The following LRFN2 variants were observed in gnomAD, a reference collection of about 807,000 sequenced individuals.
The protein encoded by LRFN2 is leucine rich repeat and fibronectin type III domain containing 2, also known as leucine-rich repeat and fibronectin type-III domain-containing protein 2.
Under a neutral mutation model 37.3 loss-of-function variants are expected in LRFN2, and 18 were observed. The ratio of observed to expected loss-of-function variants is 0.48; its 90% CI spans 0.33 to 0.72. The LOEUF (loss-of-function observed/expected upper bound fraction) is 0.72. LRFN2 is among the 30% of genes least tolerant of loss of function. The probability of loss-of-function intolerance (pLI) is 0.02; values close to 1 mark genes in which losing one functional copy is unlikely to be tolerated. For missense variants in LRFN2, 1,006 were observed against 1,060.7 expected (o/e 0.95, Z 0.72); for synonymous variants, 556 against 466.6 (o/e 1.19, Z -2.47).
intron 1 of LRFN2, among the ~76,000 whole-genome samples, chr6:40,519,533 C>T (rs1466017316): frequency 6.6e-5 from 10 of 152,212 alleles, no homozygotes; most frequent in Admixed American, 6.5e-4. Flanking sequence ...ATAGGGTCCT[C>T]TTGTCTTCTT....
chr6:40,496,697 T>C (rs1457088103), intron 1 of LRFN2, among the ~76,000 whole-genome samples: 2 of 152,078 alleles, frequency 1.3e-5, no homozygotes, highest in Non-Finnish European at 2.9e-5. Context: ...TGCACTAATC[T>C]ATTTTATCTT....
At chr6:40,440,241 C>T (rs6910503) in intron 1 of LRFN2, among the ~76,000 whole-genome samples, 44,470 of 152,086 alleles carry the variant, frequency 0.29, 8,243 homozygotes, top group African/African-American at 0.52. Flanking sequence ...ATAAGTAAGT[C>T]ATTAAGCTCA....
chr6:40,521,657 G>A (rs1238378302), intron 1 of LRFN2, among the ~76,000 whole-genome samples: 1 of 152,210 alleles, frequency 6.6e-6, no homozygotes, highest in African/African-American at 2.4e-5. Flanking sequence ...GGGAGGGGAG[G>A]AGGCAGGGAG....
rs114585336 is a variant in LRFN2, at chr6:40,562,563, C to T, written c.-19+24378G>A. On this transcript the variant is annotated intron_variant, in intron 1 of 2. Transcript: ENST00000338305. ...AAAACTGGGCCATTTTGCCAGGATC[C>T]TGCAGTTCCATCCAGAAGCAAGAGC... 2.8e-3 allele frequency among the ~76,000 whole-genome samples: 428 copies of T among 152,244 alleles called. 2 individuals are homozygous for T. The highest frequency in any genetic ancestry group is 9.8e-3 in the African/African-American group (408 of 41,532).
chr6:40,576,307 A>C (rs1767275978), intron 1 of LRFN2, among the ~76,000 whole-genome samples: 1 of 151,388 alleles, frequency 6.6e-6, no homozygotes. Context: ...TTAAAAACTG[A>C]ATTGGAGAGA....
chr6:40,453,988 C>A (rs1480036783), intron 1 of LRFN2, among the ~76,000 whole-genome samples: 1 of 152,190 alleles, frequency 6.6e-6, no homozygotes, highest in Non-Finnish European at 1.5e-5. Flanking sequence ...TGGACTGTCT[C>A]TCTACGCCAT....
intron 1 of LRFN2, among the ~76,000 whole-genome samples, chr6:40,440,846 C>T (rs1295158166): frequency 6.6e-6 from 1 of 152,106 alleles, no homozygotes; most frequent in African/African-American, 2.4e-5. Context: ...ATCTCATTTC[C>T]CCACTTCTCT....
intron 1 of LRFN2, among the ~76,000 whole-genome samples, chr6:40,498,597 T>A (rs925957441): frequency 6.6e-6 from 1 of 152,148 alleles, no homozygotes; most frequent in African/African-American, 2.4e-5. Flanking sequence ...CCAAGGACAC[T>A]CGTTCTCACA....
chr6:40,524,018 C>T (rs1033313490), intron 1 of LRFN2: 15 of 151,258 alleles, frequency 9.9e-5, no homozygotes, highest in African/African-American at 3.7e-4. Context: ...GCTGGGGAGG[C>T]CAGCCCAAGC....
intron 1 of LRFN2, among the ~76,000 whole-genome samples, chr6:40,464,176 A>G (rs182341602): frequency 1.1e-3 from 168 of 152,020 alleles, no homozygotes; most frequent in African/African-American, 3.8e-3. Context: ...AGACTGTGAA[A>G]CCCTCCAAAG....
At position 40,548,383 on chromosome 6, in the gene LRFN2, G is replaced by C. The variant is rs138960235; in HGVS notation, c.-19+38558C>G. On this transcript the variant is annotated intron_variant, in intron 1 of 2. Transcript: ENST00000338305. Reference sequence around the variant, plus strand: ...TTGAACCTGGGAGGCGGAGGTTGCAGTGAGCAGAGATCGTGCCATTGCACT... The same window carrying C: ...TTGAACCTGGGAGGCGGAGGTTGCACTGAGCAGAGATCGTGCCATTGCACT... Among the ~76,000 whole-genome samples the C allele has an allele frequency of 5.3e-3, 800 of 151,728 alleles. 8 individuals are homozygous for C. The highest frequency in any genetic ancestry group is 0.018 in the African/African-American group (760 of 41,380).
intron 1 of LRFN2, among the ~76,000 whole-genome samples, chr6:40,442,908 A>T (rs1027276939): frequency 1.3e-5 from 2 of 152,136 alleles, no homozygotes; most frequent in Non-Finnish European, 2.9e-5. Flanking sequence ...GGCTGCTCTG[A>T]GGAGAGTCTC....
intron 1 of LRFN2, among the ~76,000 whole-genome samples, chr6:40,435,950 G>C (rs1763663190): frequency 6.6e-6 from 1 of 152,062 alleles, no homozygotes; most frequent in Non-Finnish European, 1.5e-5. Flanking sequence ...GGCTTGCCCT[G>C]TATTTTTTCT....
chr6:40,502,941 G>A (rs1765426087), intron 1 of LRFN2, among the ~76,000 whole-genome samples: 2 of 152,228 alleles, frequency 1.3e-5, no homozygotes, highest in South Asian at 4.1e-4. Context: ...CAAAGGAGCT[G>A]AGATTGGAGA....
intron 2 of LRFN2, among the ~76,000 whole-genome samples, chr6:40,413,452 T>C (rs1458850361): frequency 2.0e-5 from 3 of 152,122 alleles, no homozygotes; most frequent in African/African-American, 4.8e-5. Flanking sequence ...TGATGACTCA[T>C]GTAGGGCAGA....
chr6:40,445,651 G>A lies in LRFN2; in HGVS notation c.-18-12520C>T, dbSNP rs1763951536. Among the ~76,000 whole-genome samples the A allele has an allele frequency of 2.0e-5, 3 of 152,330 alleles. No individual in the cohort carries two copies. In the South Asian group the frequency reaches 6.2e-4, roughly 32 times the overall value. On this transcript the variant is annotated intron_variant, in intron 1 of 2. Coordinates refer to ENST00000338305, the MANE Select transcript of LRFN2 (RefSeq NM_020737.3). Reference sequence around the variant, plus strand: ...CAATTACAGAAACCTTTTAAAGGAAGCATCCTCAAGAGGCCCCGGCTTGAG... The same window carrying A: ...CAATTACAGAAACCTTTTAAAGGAAACATCCTCAAGAGGCCCCGGCTTGAG...
intron 1 of LRFN2, among the ~76,000 whole-genome samples, chr6:40,475,385 A>C (rs1322511109): frequency 6.6e-6 from 1 of 152,138 alleles, no homozygotes; most frequent in Non-Finnish European, 1.5e-5. Flanking sequence ...ACTAGAGACA[A>C]GCACCGTCTG....
At chr6:40,438,718 C>T (rs1239015270) in intron 1 of LRFN2, among the ~76,000 whole-genome samples, 1 of 152,046 alleles carries the variant, frequency 6.6e-6, no homozygotes, top group Non-Finnish European at 1.5e-5. Flanking sequence ...ACTTGTGTTT[C>T]CTGCTTGGGG....
At chr6:40,585,288 G>C (rs1561917079) in intron 1 of LRFN2, among the ~76,000 whole-genome samples, 1 of 152,150 alleles carries the variant, frequency 6.6e-6, no homozygotes, top group South Asian at 2.1e-4. Flanking sequence ...CAGGGGGCCT[G>C]AGCAGAAGCA....
Sources: gnomAD v4.1 joint callset for allele counts (sites outside exome capture counted in the v4.1 genomes callset) on GRCh38, gnomAD v4.1.1 for gene constraint, MANE v1.5 for transcripts, NCBI Gene and HGNC (gene_info 2026-07-23, HGNC 2026-07-21) for gene names.